The following TENM3 variants were observed in gnomAD, a reference collection of about 807,000 sequenced individuals.
The protein encoded by TENM3 is teneurin transmembrane protein 3, also known as teneurin-3.
Under a neutral mutation model 255.1 loss-of-function variants are expected in TENM3, and 63 were observed. That is an observed-to-expected ratio of 0.25 (90% CI 0.20 to 0.30). TENM3 has a LOEUF of 0.30. Ranked by LOEUF, TENM3 falls within the 10% of genes least tolerant of loss-of-function variation. The pLI is 1.00. For missense variants in TENM3, 2,929 were observed against 3,461.1 expected, an observed-to-expected ratio of 0.85 and a Z score of 3.86; for synonymous variants, 1,306 against 1,322.3, an observed-to-expected ratio of 0.99 and a Z score of 0.27.
chr4:182,092,849 T>A, the TENM3 span, among the ~76,000 whole-genome samples: 1 of 152,142 alleles, frequency 6.6e-6, no homozygotes, highest in African/African-American at 2.4e-5. Context: ...CTTATCTACA[T>A]AAAGGCTTTT....
At chr4:182,787,005 C>G (rs1372207254) in intron 24 of TENM3, among the ~76,000 whole-genome samples, 1 of 152,090 alleles carries the variant, frequency 6.6e-6, no homozygotes, top group African/African-American at 2.4e-5. Context: ...CTTGATTCTG[C>G]CATTTATCAC....
chr4:181,626,565 G>C, the TENM3 span, among the ~76,000 whole-genome samples: 1 of 151,898 alleles, frequency 6.6e-6, no homozygotes, highest in South Asian at 2.1e-4. Context: ...CACAGCAAGG[G>C]GGCGGGGAGG....
At chr4:181,793,599 C>G in the TENM3 span, among the ~76,000 whole-genome samples, 1 of 152,130 alleles carries the variant, frequency 6.6e-6, no homozygotes, top group Admixed American at 6.5e-5. Context: ...CAACAAAATG[C>G]TTAATATTAT....
At chr4:182,014,080 ACG>A in the TENM3 span, among the ~76,000 whole-genome samples, 1 of 100,450 alleles carries the variant, frequency 1.0e-5, no homozygotes, top group African/African-American at 3.4e-5. Context: ...ACACATATAT[ACG>A]TATATATACG....
chr4:181,898,961 G>A, the TENM3 span, among the ~76,000 whole-genome samples: 13 of 152,040 alleles, frequency 8.6e-5, no homozygotes, highest in Non-Finnish European at 1.5e-4. Context: ...AGTCTTTAAT[G>A]TATTATTTAA....
intron 3 of TENM3, among the ~76,000 whole-genome samples, chr4:182,546,417 A>G (rs573188649): frequency 8.0e-5 from 12 of 150,690 alleles, no homozygotes; most frequent in Non-Finnish European, 1.5e-4. Context: ...CCTTGACTCA[A>G]TTAGACATTT....
At chr4:182,474,041 G>A (rs1214228323) in intron 3 of TENM3, among the ~76,000 whole-genome samples, 4 of 152,120 alleles carry the variant, frequency 2.6e-5, no homozygotes, top group South Asian at 2.1e-4. Context: ...ATAATTGTTC[G>A]TGGCTCTTTG....
chr4:182,020,116 G>A, the TENM3 span, among the ~76,000 whole-genome samples: 1 of 152,076 alleles, frequency 6.6e-6, no homozygotes. Flanking sequence ...TGTAATCACA[G>A]CACTTTGGGA....
the TENM3 span, among the ~76,000 whole-genome samples, chr4:181,568,189 G>A: frequency 1.4e-5 from 2 of 140,708 alleles, no homozygotes; most frequent in East Asian, 4.2e-4. Flanking sequence ...TTTTGACAGA[G>A]TTTGTCTTTT....
the TENM3 span, among the ~76,000 whole-genome samples, chr4:181,798,139 T>C: frequency 1.3e-5 from 2 of 151,750 alleles, no homozygotes; most frequent in African/African-American, 4.8e-5. Flanking sequence ...TTTTTACTCT[T>C]AAGAATCAAA....
the TENM3 span, among the ~76,000 whole-genome samples, chr4:182,092,764 G>A: frequency 6.6e-6 from 1 of 152,068 alleles, no homozygotes; most frequent in African/African-American, 2.4e-5. Context: ...AATTTCCATG[G>A]GTAGAAATGA....
chr4:181,557,683 C>A, the TENM3 span, among the ~76,000 whole-genome samples: 25 of 103,470 alleles, frequency 2.4e-4, no homozygotes, highest in African/African-American at 8.6e-4. Flanking sequence ...CCTGCCACCA[C>A]CCCCAGCTAT....
chr4:182,237,364 C>T (rs1182647750), intron 1 of TENM3, among the ~76,000 whole-genome samples: 1 of 117,374 alleles, frequency 8.5e-6, no homozygotes, highest in Non-Finnish European at 1.7e-5. Flanking sequence ...TAAACCCAGA[C>T]ATTCTGTTTT....
At chr4:181,733,326 C>T in the TENM3 span, among the ~76,000 whole-genome samples, 1 of 152,140 alleles carries the variant, frequency 6.6e-6, no homozygotes, top group Non-Finnish European at 1.5e-5. Context: ...AATCTTCTCT[C>T]TTATTGATTC....
the TENM3 span, among the ~76,000 whole-genome samples, chr4:181,805,597 T>TTGTGTG: frequency 0.37 from 55,779 of 150,422 alleles, 12,554 homozygotes; most frequent in Non-Finnish European, 0.5. Flanking sequence ...GTGTGCACTT[T>TTGTGTG]TGTGTGTGTG....
At position 182,742,893 on chromosome 4, in the gene TENM3, T is replaced by C. The variant is rs563771595; in HGVS notation, c.3380-277T>C. On this transcript the variant is annotated intron_variant, in intron 18 of 27. Coordinates refer to ENST00000511685, the MANE Select transcript of TENM3 (RefSeq NM_001080477.4). ...GACTGATCATCACTGATGTTGAGAA[T>C]TGGGGTTTTAATTCTTCTCAGGCTT... Among the ~76,000 whole-genome samples, 30 of 152,310 alleles carry C rather than the reference T, an allele frequency of 2.0e-4. No individual in the cohort carries two copies. The South Asian group carries it at 2.5e-3, about 13-fold the overall frequency.
Position 182,718,583 on chromosome 4 carries a change from A to G in TENM3, c.2368+4350A>G, listed in dbSNP as rs1433317889. On this transcript the variant is annotated intron_variant, in intron 13 of 27. Transcript: ENST00000511685. ...TCTCCACAGCATTCAGCTTTAGTAC[A>G]GTCAGATCATGTACTGCAGTAACTA... Among the ~76,000 whole-genome samples, 5 of 152,334 alleles carry G rather than the reference A, an allele frequency of 3.3e-5. No homozygotes were observed. The East Asian group carries it at 5.8e-4, about 18-fold the overall frequency.
the TENM3 span, among the ~76,000 whole-genome samples, chr4:181,787,378 G>A: frequency 2.1e-5 from 3 of 145,690 alleles, no homozygotes; most frequent in African/African-American, 5.1e-5. Context: ...TCACTCTGTC[G>A]CCCAGGCTGG....
the TENM3 span, among the ~76,000 whole-genome samples, chr4:181,595,179 C>A: frequency 6.6e-6 from 1 of 151,976 alleles, no homozygotes; most frequent in East Asian, 1.9e-4. Flanking sequence ...GCCTGTAATC[C>A]CAGCACTTTG....
Sources: allele counts gnomAD v4.1 joint callset (sites outside exome capture counted in the v4.1 genomes callset), GRCh38; gene constraint gnomAD v4.1.1; transcripts MANE v1.5; gene names NCBI Gene and HGNC (gene_info 2026-07-23, HGNC 2026-07-21).